The following FRMD4A variants were observed in gnomAD, a reference collection of about 807,000 sequenced individuals.
FRMD4A encodes FERM domain-containing protein 4A.
A neutral mutation model predicts 129.1 loss-of-function variants in FRMD4A; 29 were observed. That is an observed-to-expected ratio of 0.22 (90% CI 0.17 to 0.31). The LOEUF (loss-of-function observed/expected upper bound fraction) is 0.31. FRMD4A is among the 10% of genes least tolerant of loss of function. FRMD4A has a pLI of 1.00. For missense variants in FRMD4A, 1,272 were observed against 1,375.8 expected (o/e 0.92, Z 1.19); for synonymous variants, 634 against 571.6 (o/e 1.11, Z -1.56).
chr10:13,752,652 A>G (rs1235871566), intron 8 of FRMD4A, among the ~76,000 whole-genome samples: 9 of 152,222 alleles, frequency 5.9e-5, no homozygotes, highest in African/African-American at 2.2e-4. Flanking sequence ...CCTGCAATTC[A>G]GAAACAGTAA....
At chr10:13,653,877 A>G (rs1461720841) in intron 23 of FRMD4A, 1 of 161,502 alleles carries the variant, frequency 6.2e-6, no homozygotes, top group South Asian at 2.0e-4. Context: ...CGGTTTCATT[A>G]ATTTTGTTGT....
chr10:14,076,952 G>T (rs1835646474), intron 2 of FRMD4A, among the ~76,000 whole-genome samples: 3 of 152,198 alleles, frequency 2.0e-5, no homozygotes, highest in African/African-American at 7.2e-5. Flanking sequence ...AAGAGGGGAG[G>T]TGTCCAAGCT....
At chr10:14,259,781 G>T (rs1427652966) in intron 2 of FRMD4A, among the ~76,000 whole-genome samples, 1 of 152,038 alleles carries the variant, frequency 6.6e-6, no homozygotes, top group Non-Finnish European at 1.5e-5. Context: ...GCAGGGTAAG[G>T]GACACGGCTC....
At chr10:13,762,801 C>T in intron 6 of FRMD4A, 121 bp from the exon 7 acceptor site, 2 of 676,186 alleles carry the variant, frequency 3.0e-6, no homozygotes, top group South Asian at 1.7e-5. Context: ...TGAGACCAGC[C>T]TGGGCAACAT....
At chr10:14,264,422 AG>A (rs1287765569) in intron 2 of FRMD4A, among the ~76,000 whole-genome samples, 2 of 152,230 alleles carry the variant, frequency 1.3e-5, no homozygotes, top group African/African-American at 4.8e-5. Flanking sequence ...CAACAACAAA[AG>A]TGACTGTTTT....
At chr10:14,028,693 C>T (rs992274190) in intron 2 of FRMD4A, among the ~76,000 whole-genome samples, 4 of 152,126 alleles carry the variant, frequency 2.6e-5, no homozygotes, top group African/African-American at 7.2e-5. Flanking sequence ...ACACATTGCA[C>T]GCTTGTATCG....
intron 12 of FRMD4A, among the ~76,000 whole-genome samples, chr10:13,731,520 G>A (rs1277423463): frequency 2.6e-5 from 4 of 151,944 alleles, no homozygotes; most frequent in South Asian, 2.1e-4. Flanking sequence ...GTGGTGGCAC[G>A]TGCCTGTAAT....
intron 2 of FRMD4A, among the ~76,000 whole-genome samples, chr10:14,166,356 A>C (rs1452096483): frequency 2.0e-5 from 3 of 152,124 alleles, no homozygotes; most frequent in Non-Finnish European, 4.4e-5. Context: ...ATAATGATAC[A>C]AGAAACTAAC....
intron 2 of FRMD4A, among the ~76,000 whole-genome samples, chr10:13,880,208 T>A (rs2094531467): frequency 6.6e-6 from 1 of 152,030 alleles, no homozygotes; most frequent in Admixed American, 6.6e-5. Flanking sequence ...CCAGACGGAA[T>A]TCCTGATCTC....
chr10:14,258,673 T>C (rs184862675), intron 2 of FRMD4A, among the ~76,000 whole-genome samples: 1 of 152,320 alleles, frequency 6.6e-6, no homozygotes, highest in African/African-American at 2.4e-5. Context: ...CCTAGGTATT[T>C]ACTTAAAAAT....
chr10:14,150,795 C>T (rs1207738417), intron 2 of FRMD4A, among the ~76,000 whole-genome samples: 2 of 152,152 alleles, frequency 1.3e-5, no homozygotes, highest in African/African-American at 2.4e-5. Context: ...ATTTTCCTCC[C>T]GCTCCTCTCC....
At chr10:13,855,385 C>T (rs2094199308) in intron 3 of FRMD4A, among the ~76,000 whole-genome samples, 1 of 152,220 alleles carries the variant, frequency 6.6e-6, no homozygotes, top group Admixed American at 6.5e-5. Context: ...ATGCTATCCT[C>T]ATAGTGGGTA....
At chr10:14,143,863 C>T (rs1184166504) in intron 2 of FRMD4A, among the ~76,000 whole-genome samples, 1 of 152,070 alleles carries the variant, frequency 6.6e-6, no homozygotes, top group Non-Finnish European at 1.5e-5. Context: ...TGTGCCTCAG[C>T]CTCCCAAAGT....
At chr10:13,752,223 A>G (rs2091662120) in intron 8 of FRMD4A, among the ~76,000 whole-genome samples, 2 of 152,188 alleles carry the variant, frequency 1.3e-5, no homozygotes, top group Non-Finnish European at 2.9e-5. Context: ...TTTTTCTTTG[A>G]GATGATGTGC....
intron 2 of FRMD4A, among the ~76,000 whole-genome samples, chr10:14,255,111 G>A (rs1844564284): frequency 6.6e-6 from 1 of 152,242 alleles, no homozygotes; most frequent in Admixed American, 6.5e-5. Context: ...GTGGCTATCT[G>A]TTGGTTGCTA....
At chr10:14,293,145 A>G (rs1302189032) in intron 2 of FRMD4A, among the ~76,000 whole-genome samples, 1 of 152,218 alleles carries the variant, frequency 6.6e-6, no homozygotes, top group African/African-American at 2.4e-5. Context: ...CTCCAATGCA[A>G]CAGTGTTGAG....
chr10:13,989,958 C>A (rs1213403267), intron 2 of FRMD4A, among the ~76,000 whole-genome samples: 1 of 152,188 alleles, frequency 6.6e-6, no homozygotes, highest in Admixed American at 6.5e-5. Context: ...TAAAGGGACA[C>A]TTTTCTCAGC....
At chr10:13,760,840 C>G (rs2092041727) in intron 8 of FRMD4A, among the ~76,000 whole-genome samples, 1 of 150,022 alleles carries the variant, frequency 6.7e-6, no homozygotes, top group Admixed American at 6.7e-5. Flanking sequence ...TGCCTCTAAA[C>G]CTTGATTCTC....
chr10:14,084,991 C>A (rs931871011), intron 2 of FRMD4A, among the ~76,000 whole-genome samples: 3 of 152,124 alleles, frequency 2.0e-5, no homozygotes, highest in African/African-American at 7.2e-5. Flanking sequence ...GGTAATGATC[C>A]CCTGATCTGT....
Sources: allele counts gnomAD v4.1 joint callset (sites outside exome capture counted in the v4.1 genomes callset), GRCh38; gene constraint gnomAD v4.1.1; transcripts MANE v1.5; gene names NCBI Gene and HGNC (gene_info 2026-07-23, HGNC 2026-07-21).